PREX1: variants seen among roughly 807,000 people sequenced by gnomAD.
The protein encoded by PREX1 is phosphatidylinositol 3,4,5-trisphosphate-dependent Rac exchanger 1 protein.
A neutral mutation model predicts 198.3 loss-of-function variants in PREX1; 41 were observed. The ratio of observed to expected loss-of-function variants is 0.21; its 90% CI spans 0.16 to 0.27. PREX1 has a LOEUF of 0.27. Among genes scored for constraint, PREX1 ranks in the 10% least tolerant of loss-of-function variants. PREX1 has a pLI of 1.00. For synonymous variants in PREX1, 843 were observed against 887.2 expected (o/e 0.95, Z 0.89); for missense variants, 1,620 against 2,200.7 (o/e 0.74, Z 5.28).
chr20:48,855,985 G>A, the PREX1 span, among the ~76,000 whole-genome samples: 11 of 152,238 alleles, frequency 7.2e-5, no homozygotes, highest in Admixed American at 2.0e-4. Flanking sequence ...ACAGAGTAAA[G>A]GGATGGAGAG....
upstream of PREX1, among the ~76,000 whole-genome samples, chr20:48,828,540 C>G (rs947281123): frequency 6.7e-6 from 1 of 150,142 alleles, no homozygotes; most frequent in African/African-American, 2.4e-5. Context: ...TGGGCAGTGA[C>G]GGCCCCTCTC....
chr20:48,856,242 G>T, the PREX1 span, among the ~76,000 whole-genome samples: 1 of 152,222 alleles, frequency 6.6e-6, no homozygotes, highest in African/African-American at 2.4e-5. Context: ...GAGGACAGCG[G>T]CCTGCTGGCC....
At chr20:48,649,868 A>G (rs1380184877) in intron 24 of PREX1, 128 bp downstream of exon 24, 1 of 1,124,540 alleles carries the variant, frequency 8.9e-7, no homozygotes, top group Non-Finnish European at 1.3e-6. Flanking sequence ...CCATAAAGAG[A>G]GAAGGTCATC....
Position 48,734,570 on chromosome 20 carries a change from G to C in PREX1, c.495C>G (p.Ile165Met). ...ALRLLVELNKIPTVRAFLLSC... is the reference protein window; with the variant it reads ...ALRLLVELNKMPTVRAFLLSC... ...CCAAAAGGAAGGCGCGCACGGTAGG[G>C]ATCTTGTTCAGCTCCACCAGCAGCC... is the stretch of plus-strand genomic sequence containing the variant. Residue 165 changes from isoleucine (I) to methionine (M), a missense_variant, in exon 4 of 40, where the codon ATC becomes ATG. By Grantham distance (10) the Ile-to-Met change is conservative (BLOSUM62 1). This residue lies in a region of PREX1 where 488 missense variants were observed against 802.5 expected (regional missense o/e 0.61). Transcript: ENST00000371941. 6.2e-7 allele frequency: 1 copy of C among 1,614,132 alleles called. No individual in the cohort carries two copies. Among genetic ancestry groups the C allele is most frequent in the South Asian group, 1.1e-5 (1 of 91,082 alleles).
chr20:48,834,958 T>G, the PREX1 span, among the ~76,000 whole-genome samples: 5 of 152,214 alleles, frequency 3.3e-5, no homozygotes, highest in Non-Finnish European at 7.3e-5. Context: ...GGTTTCACCA[T>G]GTTGGCCAGG....
chr20:48,802,929 G>A (rs541199343), intron 1 of PREX1, among the ~76,000 whole-genome samples: 9 of 152,322 alleles, frequency 5.9e-5, no homozygotes, highest in East Asian at 3.9e-4. Flanking sequence ...GCCAAGGGGG[G>A]CTTTCCTGAG....
the PREX1 span, among the ~76,000 whole-genome samples, chr20:48,848,952 G>A: frequency 3.3e-5 from 5 of 151,914 alleles, no homozygotes; most frequent in Non-Finnish European, 7.4e-5. Flanking sequence ...TGGTCAGGCT[G>A]GTCTCGAACT....
At chr20:48,728,677 T>A (rs1601100299) in intron 4 of PREX1, among the ~76,000 whole-genome samples, 1 of 151,570 alleles carries the variant, frequency 6.6e-6, no homozygotes, top group Admixed American at 6.6e-5. Context: ...CGCCTGGGGG[T>A]GGGGAAGTGC....
In PREX1 at chr20:48,745,129, C is replaced by T. The variant is rs753573213; in HGVS notation, c.310G>A (p.Glu104Lys). 2 of 1,613,792 alleles carry T rather than the reference C, an allele frequency of 1.2e-6. No homozygotes were observed. The highest frequency in any genetic ancestry group is 1.3e-5 in the African/African-American group (1 of 74,878). ...ENVKVLFSNI[E>K]DILEVHKDFL... The stretch of plus-strand genomic sequence containing the variant: ...TCCTTATGAACTTCCAGGATGTCTT[C>T]GATGTTCGAGAACAGGACCTGTGAG... The change falls in exon 3 of 40, where the codon GAA becomes AAA. Residue 104 changes from glutamate (E) to lysine (K), a missense_variant. By Grantham distance (56) the Glu-to-Lys change is moderately conservative. Around this residue, in one of 7 missense-constraint regions of PREX1, gnomAD observed 488 missense variants for 802.5 expected, o/e 0.61. Coordinates refer to ENST00000371941, the MANE Select transcript of PREX1 (RefSeq NM_020820.4).
intron 8 of PREX1, chr20:48,692,407 G>T: frequency 3.0e-6 from 1 of 330,928 alleles, no homozygotes; most frequent in Non-Finnish European, 5.6e-6. Context: ...GCAAGAAAAT[G>T]ATCATCACAA....
At chr20:48,876,871 A>T in the PREX1 span, among the ~76,000 whole-genome samples, 5 of 152,168 alleles carry the variant, frequency 3.3e-5, no homozygotes, top group Non-Finnish European at 1.5e-5. Context: ...GGGTATCTGA[A>T]TCTGGACCCA....
Position 48,827,619 on chromosome 20 carries a change from C to A in PREX1, c.219+23G>T. 1.6e-6 allele frequency: 2 copies of A among 1,269,930 alleles called. No homozygotes were observed. The highest frequency in any genetic ancestry group is 6.1e-5 in the East Asian group (2 of 32,714). 78.7% of individuals were successfully genotyped at this position (1,269,930 alleles called of 1,614,324 possible). On this transcript the variant is annotated intron_variant, in intron 1 of 39. Coordinates refer to ENST00000371941, the MANE Select transcript of PREX1 (RefSeq NM_020820.4). This position sits in a 1 kb window ranked among gnomAD's most constrained non-coding sequence, Gnocchi z 4.1. ...CGAGCGGCTGGAGGGAAAGCTGTCCCCAAGCTCCCGAGCGACACTCACCGA... is the reference window on the plus strand; with the variant it reads ...CGAGCGGCTGGAGGGAAAGCTGTCCACAAGCTCCCGAGCGACACTCACCGA...
chr20:48,626,002 C>T, intron 39 of PREX1, 75 bp from the exon 40 acceptor site: 6 of 1,398,252 alleles, frequency 4.3e-6, no homozygotes, highest in South Asian at 1.4e-5. Context: ...CCATTTTTAC[C>T]TGAACATGTA....
chr20:48,811,598 TCTA>T (rs977158329), intron 1 of PREX1, among the ~76,000 whole-genome samples: 3 of 96,702 alleles, frequency 3.1e-5, no homozygotes, highest in African/African-American at 1.4e-4. Flanking sequence ...GTGCATGCAC[TCTA>T]CTGACAAGAC....
chr20:48,792,136 T>C (rs1231943280), intron 1 of PREX1, among the ~76,000 whole-genome samples: 1 of 152,140 alleles, frequency 6.6e-6, no homozygotes, highest in Non-Finnish European at 1.5e-5. Context: ...AGCACTGCTG[T>C]CTCCCCAACA....
chr20:48,794,969 A>C (rs1308828801), intron 1 of PREX1, among the ~76,000 whole-genome samples: 3 of 152,164 alleles, frequency 2.0e-5, no homozygotes, highest in Non-Finnish European at 4.4e-5. Flanking sequence ...AATGTATTGA[A>C]ACCCTCACAT....
At chr20:48,825,636 A>T (rs113629367) in intron 1 of PREX1, among the ~76,000 whole-genome samples, 4,352 of 152,142 alleles carry the variant, frequency 0.029, 215 homozygotes, top group African/African-American at 0.1. Context: ...AAAATGAAAC[A>T]CACCATCTAG....
intron 20 of PREX1, among the ~76,000 whole-genome samples, chr20:48,652,991 G>A (rs1480138900): frequency 1.3e-5 from 2 of 152,210 alleles, no homozygotes; most frequent in Non-Finnish European, 2.9e-5. Context: ...GAGTGAACCA[G>A]TGAATCAATC....
intron 1 of PREX1, among the ~76,000 whole-genome samples, chr20:48,763,345 G>T (rs1337381980): frequency 1.3e-5 from 2 of 152,224 alleles, no homozygotes; most frequent in African/African-American, 4.8e-5. Flanking sequence ...TGGTGGCTGG[G>T]AACAGGCCCT....
Sources: allele counts gnomAD v4.1 joint callset (sites outside exome capture counted in the v4.1 genomes callset), GRCh38; gene constraint gnomAD v4.1.1; regional missense constraint gnomAD v4.1.1; non-coding constraint Gnocchi (gnomAD v3.1); transcripts MANE v1.5; gene names NCBI Gene and HGNC (gene_info 2026-07-23, HGNC 2026-07-21).